Variants in KALRN observed in about 807,000 individuals in gnomAD.
KALRN encodes the protein kalirin.
A neutral mutation model predicts 353.7 loss-of-function variants in KALRN; 70 were observed. The ratio of observed to expected loss-of-function variants is 0.20; its 90% CI spans 0.16 to 0.24. KALRN has a LOEUF of 0.24. Among genes scored for constraint, KALRN ranks in the 10% least tolerant of loss-of-function variants. KALRN has a pLI of 1.00. For missense variants in KALRN, 2,791 were observed against 3,756.7 expected (o/e 0.74, Z 6.72); for synonymous variants, 1,391 against 1,434.8 (o/e 0.97, Z 0.69).
chr3:124,042,755 C>A (rs190969817), intron 1 of KALRN, among the ~76,000 whole-genome samples: 1 of 152,090 alleles, frequency 6.6e-6, no homozygotes, highest in East Asian at 1.9e-4. Context: ...GGACATGTTG[C>A]ATTTCAGGTG....
In KALRN at chr3:124,205,133, G is replaced by A. The variant is rs183404568; in HGVS notation, c.74-22857G>A. ...CAAATAGGAAGGCATAGTCAGTGAC[G>A]TGCTGGCAATGTTTCCAGGGAAGAA... On this transcript the variant is annotated intron_variant, in intron 1 of 59. Coordinates refer to ENST00000682506, the MANE Select transcript of KALRN (RefSeq NM_001388419.1). Among the ~76,000 whole-genome samples, 12 of 152,304 alleles carry A rather than the reference G, an allele frequency of 7.9e-5. No individual in the cohort carries two copies. The East Asian group carries it at 1.9e-3, about 24-fold the overall frequency.
At chr3:124,079,934 T>A (rs1336613376) in intron 1 of KALRN, 2 of 375,170 alleles carry the variant, frequency 5.3e-6, no homozygotes, top group Non-Finnish European at 1.2e-5. Flanking sequence ...CCCCATAATC[T>A]TTTTGTCTTC....
At chr3:124,283,942 T>C (rs577173217) in intron 5 of KALRN, among the ~76,000 whole-genome samples, 2 of 152,326 alleles carry the variant, frequency 1.3e-5, no homozygotes, top group Admixed American at 1.3e-4. Flanking sequence ...GAGACTAGCA[T>C]ACATTCTGGA....
chr3:124,231,974 G>T (rs552455011), intron 2 of KALRN, among the ~76,000 whole-genome samples: 30 of 152,266 alleles, frequency 2.0e-4, no homozygotes, highest in African/African-American at 7.0e-4. Context: ...GATTATGCAC[G>T]TCCAAGATCT....
intron 15 of KALRN, among the ~76,000 whole-genome samples, chr3:124,427,272 G>C (rs1012791452): frequency 6.6e-6 from 1 of 152,208 alleles, no homozygotes; most frequent in Admixed American, 6.5e-5. Context: ...ATGAACATGT[G>C]CAGTCTCATA....
At chr3:124,228,093 A>C in intron 2 of KALRN, 29 bp downstream of exon 2, 1 of 1,560,874 alleles carries the variant, frequency 6.4e-7, no homozygotes, top group Non-Finnish European at 8.8e-7. Flanking sequence ...TTCTTTTGTA[A>C]AGGACCTAGA....
intron 33 of KALRN, among the ~76,000 whole-genome samples, chr3:124,561,927 G>T (rs538719720): frequency 6.6e-6 from 1 of 152,320 alleles, no homozygotes; most frequent in East Asian, 1.9e-4. Flanking sequence ...CAGAAGAAAG[G>T]GGGGAAGTGG....
chr3:124,546,772 T>C (rs1241516881), intron 33 of KALRN, among the ~76,000 whole-genome samples: 2 of 152,040 alleles, frequency 1.3e-5, no homozygotes, highest in Admixed American at 6.6e-5. Flanking sequence ...TTCAGGGAGA[T>C]GAGAAGCAGG....
chr3:124,339,201 G>A (rs1283762354), intron 9 of KALRN, among the ~76,000 whole-genome samples: 1 of 152,164 alleles, frequency 6.6e-6, no homozygotes, highest in Non-Finnish European at 1.5e-5. Flanking sequence ...AGAGGTGGGA[G>A]GACCCAGCCT....
In KALRN at chr3:124,066,714, A is replaced by T. The variant is rs556913837; in HGVS notation, c.73+32901A>T. On this transcript the variant is annotated intron_variant, in intron 1 of 59. Transcript: ENST00000682506. ...CAGAGGCTGAGCTCAGCAGAATTCC[A>T]GAGGGCAAGGGAGCCTTCATATGAT... is the stretch of plus-strand genomic sequence containing the variant. Among the ~76,000 whole-genome samples the T allele has an allele frequency of 2.0e-5, 3 of 152,284 alleles. No homozygotes were observed. The East Asian group carries it at 5.8e-4, about 29-fold the overall frequency.
At chr3:124,352,756 A>G (rs2082966878) in intron 10 of KALRN, among the ~76,000 whole-genome samples, 9 of 152,106 alleles carry the variant, frequency 5.9e-5, no homozygotes, top group Admixed American at 5.9e-4. Flanking sequence ...CAGCAAAGTA[A>G]CACAAGAAGA....
At chr3:124,707,936 A>G (rs1035915775) in intron 57 of KALRN, among the ~76,000 whole-genome samples, 2 of 152,234 alleles carry the variant, frequency 1.3e-5, no homozygotes, top group African/African-American at 4.8e-5. Flanking sequence ...AAAGAAATAT[A>G]GCAAGGCTCT....
At chr3:124,612,771 AC>A (rs1443178207) in intron 34 of KALRN, among the ~76,000 whole-genome samples, 4 of 152,234 alleles carry the variant, frequency 2.6e-5, no homozygotes, top group Non-Finnish European at 5.9e-5. Flanking sequence ...TCTGTCTCCT[AC>A]ACTTGCTATA....
At chr3:124,355,154 C>G (rs1490687819) in intron 10 of KALRN, among the ~76,000 whole-genome samples, 1 of 152,098 alleles carries the variant, frequency 6.6e-6, no homozygotes, top group Non-Finnish European at 1.5e-5. Flanking sequence ...TAGAAAAGTT[C>G]AAAAAGTGTA....
chr3:124,356,970 T>G (rs184189944), intron 10 of KALRN, among the ~76,000 whole-genome samples: 322 of 152,286 alleles, frequency 2.1e-3, no homozygotes, highest in African/African-American at 7.6e-3. Context: ...ACACCTCTAT[T>G]GCAATTTTCA....
chr3:124,335,510 T>C (rs1247284721), intron 9 of KALRN, among the ~76,000 whole-genome samples: 2 of 152,148 alleles, frequency 1.3e-5, no homozygotes, highest in Non-Finnish European at 2.9e-5. Context: ...TTGTACTTTC[T>C]CTGTTTCTGT....
intron 18 of KALRN, among the ~76,000 whole-genome samples, chr3:124,439,712 C>G (rs2093611943): frequency 6.6e-6 from 1 of 152,112 alleles, no homozygotes; most frequent in South Asian, 2.1e-4. Flanking sequence ...TGCCTTATTC[C>G]TAATATTCTG....
intron 1 of KALRN, among the ~76,000 whole-genome samples, chr3:124,049,685 A>T (rs542865202): frequency 2.6e-5 from 4 of 152,308 alleles, no homozygotes; most frequent in African/African-American, 9.6e-5. Context: ...AAATGGAGTG[A>T]AACTTTTCAT....
At chr3:124,358,263 C>G (rs2083636743) in intron 10 of KALRN, among the ~76,000 whole-genome samples, 1 of 152,182 alleles carries the variant, frequency 6.6e-6, no homozygotes, top group Non-Finnish European at 1.5e-5. Flanking sequence ...TTTCTGTGTC[C>G]ATTTTCCCAG....
Sources: gnomAD v4.1 joint callset for allele counts (sites outside exome capture counted in the v4.1 genomes callset) on GRCh38, gnomAD v4.1.1 for gene constraint, MANE v1.5 for transcripts, NCBI Gene and HGNC (gene_info 2026-07-23, HGNC 2026-07-21) for gene names.